EXOC6B: variants seen among roughly 807,000 people sequenced by gnomAD.
The protein encoded by EXOC6B is SEC15 homolog B.
EXOC6B carries 54 observed loss-of-function variants against 113.5 expected under a neutral mutation model. That is an observed-to-expected ratio of 0.48 (90% CI 0.38 to 0.60). The LOEUF is 0.60. Among genes scored for constraint, EXOC6B ranks in the 20% least tolerant of loss-of-function variants. The pLI, the probability that EXOC6B is intolerant of heterozygous loss-of-function variation, is 0.00. For missense variants in EXOC6B, 797 were observed against 977.5 expected (o/e 0.82, Z 2.46); for synonymous variants, 357 against 339.0 (o/e 1.05, Z -0.58).
chr2:72,451,811 G>C (rs1478076860), intron 18 of EXOC6B, among the ~76,000 whole-genome samples: 2 of 152,106 alleles, frequency 1.3e-5, no homozygotes, highest in Non-Finnish European at 2.9e-5. Flanking sequence ...GAGGTCCCGG[G>C]GGCAAGTACG....
At chr2:72,630,625 C>A (rs1455075456) in intron 6 of EXOC6B, among the ~76,000 whole-genome samples, 1 of 152,054 alleles carries the variant, frequency 6.6e-6, no homozygotes, top group East Asian at 1.9e-4. Flanking sequence ...CTTCTATATA[C>A]CCTTCCACAT....
intron 1 of EXOC6B, among the ~76,000 whole-genome samples, chr2:72,767,042 G>A (rs151262493): frequency 4.9e-4 from 74 of 151,808 alleles, no homozygotes; most frequent in African/African-American, 1.6e-3. Flanking sequence ...ACAGAAGAAT[G>A]TAAGAAAAAT....
intron 6 of EXOC6B, among the ~76,000 whole-genome samples, chr2:72,671,815 G>GAAAGAAAAAGAAAGAAAGAAAGAAAGA (rs1675886487): frequency 8.1e-6 from 1 of 124,212 alleles, no homozygotes; most frequent in African/African-American, 2.9e-5. Flanking sequence ...AAGAAAGAAA[G>GAAAGAAAAAGAAAGAAAGAAAGAAAGA]AAAGAAGAGA....
In EXOC6B at chr2:72,495,500, G is replaced by A. The variant is rs770640090; in HGVS notation, c.1483C>T (p.Pro495Ser). ...TCTTTAATTTGGTTGTAAACTTTTGGCACAAATTCAGAGAAAGGAAACTTT... is the reference window on the plus strand; with the variant it reads ...TCTTTAATTTGGTTGTAAACTTTTGACACAAATTCAGAGAAAGGAAACTTT... The part of the protein sequence containing the change: ...PKKFPFSEFV[P>S]KVYNQIKEFI... Residue 495 changes from proline (P) to serine (S), a missense_variant, in exon 15 of 22, where the codon CCA becomes TCA. Coordinates refer to ENST00000272427, the MANE Select transcript of EXOC6B (RefSeq NM_015189.3). 29 of 1,608,570 alleles carry A rather than the reference G, an allele frequency of 1.8e-5. No homozygotes were observed. In the South Asian group the frequency reaches 2.6e-4, roughly 14 times the overall value.
At chr2:72,338,621 G>A (rs1188818537) in intron 19 of EXOC6B, among the ~76,000 whole-genome samples, 1 of 152,026 alleles carries the variant, frequency 6.6e-6, no homozygotes, top group East Asian at 1.9e-4. Flanking sequence ...GACTCAGTAT[G>A]CCCTGGGAAA....
Position 72,825,950 on chromosome 2 carries a change from C to T in EXOC6B, c.-40G>A. The T allele has an allele frequency of 6.2e-7, 1 of 1,605,274 alleles. No individual in the cohort carries two copies. The highest frequency in any genetic ancestry group is 8.5e-7 in the Non-Finnish European group (1 of 1,178,216). On this transcript the variant is annotated 5_prime_UTR_variant, in exon 1 of 22. Transcript: ENST00000272427. This position sits in a 1 kb window ranked among gnomAD's most constrained non-coding sequence, Gnocchi z 4.4. ...CCGCAGCGCGTCCCCTCCGTCGGCT[C>T]GGCTCACCTTTTCCCTGCCCCACAA...
intron 6 of EXOC6B, among the ~76,000 whole-genome samples, chr2:72,682,000 T>A (rs114602150): frequency 2.8e-5 from 4 of 142,272 alleles, no homozygotes; most frequent in East Asian, 2.0e-4. Flanking sequence ...CAGAATCTCT[T>A]AAAAAAAAAA....
Position 72,379,824 on chromosome 2 carries a change from G to T in EXOC6B, c.2027C>A (p.Ala676Asp). The T allele has an allele frequency of 6.2e-7, 1 of 1,612,872 alleles. No homozygotes were observed. Among genetic ancestry groups the T allele is most frequent in the Non-Finnish European group, 8.5e-7 (1 of 1,179,432 alleles). Residue 676 changes from alanine to aspartate, a missense_variant, in exon 19 of 22, where the codon GCC becomes GAC. Ala to Asp is a moderately radical substitution (Grantham distance 126). Coordinates refer to ENST00000272427, the MANE Select transcript of EXOC6B (RefSeq NM_015189.3). ...CAACAAAAGTTGCATCAAGGATGTG[G>T]CTAAATGCTTGCAAGCTGACATACA... ...TACMSACKHL[A>D]TSLMQLLLEA...
intron 16 of EXOC6B, among the ~76,000 whole-genome samples, chr2:72,481,209 A>T (rs1699068082): frequency 6.6e-6 from 1 of 152,216 alleles, no homozygotes; most frequent in East Asian, 1.9e-4. Flanking sequence ...CTCCCAAGCC[A>T]TGCTGAACTG....
chr2:72,520,578 AG>A (rs1701432886), intron 8 of EXOC6B, among the ~76,000 whole-genome samples: 2 of 152,150 alleles, frequency 1.3e-5, no homozygotes, highest in South Asian at 4.1e-4. Flanking sequence ...AGGAGCTTTC[AG>A]GCTTGGTTTG....
chr2:72,393,099 G>T (rs1558621725), intron 18 of EXOC6B, among the ~76,000 whole-genome samples: 1 of 150,652 alleles, frequency 6.6e-6, no homozygotes, highest in Non-Finnish European at 1.5e-5. Context: ...TGTTTTTGGG[G>T]TTCTTTTTTT....
chr2:72,764,428 G>A (rs553385261), intron 1 of EXOC6B, among the ~76,000 whole-genome samples: 235 of 130,090 alleles, frequency 1.8e-3, no homozygotes, highest in African/African-American at 6.6e-3. Context: ...CTGGAGTGCA[G>A]TGGTGTGATC....
At chr2:72,663,912 A>C (rs866873764) in intron 6 of EXOC6B, among the ~76,000 whole-genome samples, 19 of 152,190 alleles carry the variant, frequency 1.2e-4, no homozygotes, top group African/African-American at 3.9e-4. Flanking sequence ...ACACTAATGC[A>C]TGATGTTAAT....
chr2:72,741,239 T>C, intron 2 of EXOC6B, 65 bp downstream of exon 2: 1 of 1,464,260 alleles, frequency 6.8e-7, no homozygotes, highest in African/African-American at 1.4e-5. Context: ...TAATCCTTAA[T>C]CCTTTAATCC....
At chr2:72,407,176 A>G (rs1693836422) in intron 18 of EXOC6B, among the ~76,000 whole-genome samples, 1 of 152,194 alleles carries the variant, frequency 6.6e-6, no homozygotes, top group African/African-American at 2.4e-5. Context: ...AAGAAGTTGA[A>G]TCTCTGAATA....
At chr2:72,284,628 C>T (rs958061784) in intron 20 of EXOC6B, among the ~76,000 whole-genome samples, 3 of 151,516 alleles carry the variant, frequency 2.0e-5, no homozygotes, top group Non-Finnish European at 4.4e-5. Flanking sequence ...CTAGCTAATG[C>T]AATAAGACAA....
chr2:72,524,975 T>C (rs1052290477), intron 8 of EXOC6B, among the ~76,000 whole-genome samples: 8 of 152,186 alleles, frequency 5.3e-5, no homozygotes, highest in African/African-American at 1.9e-4. Context: ...GTAGAGGCAG[T>C]CTGATGTTCT....
At chr2:72,640,406 A>T (rs1487382968) in intron 6 of EXOC6B, among the ~76,000 whole-genome samples, 2 of 152,180 alleles carry the variant, frequency 1.3e-5, no homozygotes, top group East Asian at 3.8e-4. Context: ...GTCCTGAAAG[A>T]GATAGGGAGA....
At chr2:72,423,851 G>A (rs777313185) in intron 18 of EXOC6B, among the ~76,000 whole-genome samples, 3 of 152,014 alleles carry the variant, frequency 2.0e-5, no homozygotes, top group African/African-American at 4.8e-5. Context: ...AATATCAAAC[G>A]TTTTTTAGGT....
Sources: allele counts gnomAD v4.1 joint callset (sites outside exome capture counted in the v4.1 genomes callset), GRCh38; gene constraint gnomAD v4.1.1; non-coding constraint Gnocchi (gnomAD v3.1); transcripts MANE v1.5; gene names NCBI Gene and HGNC (gene_info 2026-07-23, HGNC 2026-07-21).